The following SLC2A13 variants were observed in gnomAD, a reference collection of about 807,000 sequenced individuals.
The protein encoded by SLC2A13 is solute carrier family 2 member 13, also known as proton myo-inositol cotransporter.
In SLC2A13, 32 loss-of-function variants were observed where a neutral mutation model predicts 64.4. The observed-to-expected ratio is 0.50, with a 90% CI of 0.37 to 0.67. The LOEUF (loss-of-function observed/expected upper bound fraction) is 0.67, where lower values mean the gene tolerates loss of function less well. Among genes scored for constraint, SLC2A13 ranks in the 30% least tolerant of loss-of-function variants. The pLI, the probability that SLC2A13 is intolerant of heterozygous loss-of-function variation, is 0.00. For missense variants in SLC2A13, 743 were observed against 829.2 expected, an observed-to-expected ratio of 0.90 and a Z score of 1.28; for synonymous variants, 338 against 327.1, an observed-to-expected ratio of 1.03 and a Z score of -0.36.
intron 6 of SLC2A13, among the ~76,000 whole-genome samples, chr12:39,853,769 T>C (rs1280512718): frequency 2.6e-5 from 4 of 152,128 alleles, no homozygotes; most frequent in African/African-American, 9.7e-5. Context: ...TCCCATAATC[T>C]ATATCTGTTT....
In SLC2A13 at chr12:39,900,854, C is replaced by G. The variant is rs902352944; in HGVS notation, c.1035-28893G>C. On this transcript the variant is annotated intron_variant, in intron 4 of 9. Coordinates refer to ENST00000280871, the MANE Select transcript of SLC2A13 (RefSeq NM_052885.4). Reference sequence around the variant, plus strand: ...AAAAAACTACTTTAAAGTTCATATGCAACCAAAAAAGATCCCGCATCGCCA... The same window carrying G: ...AAAAAACTACTTTAAAGTTCATATGGAACCAAAAAAGATCCCGCATCGCCA... Among the ~76,000 whole-genome samples the G allele has an allele frequency of 3.2e-4, 49 of 152,122 alleles. No homozygotes were observed. The East Asian group carries it at 3.9e-3, about 12-fold the overall frequency.
chr12:39,819,175 T>C (rs549812592), intron 7 of SLC2A13, among the ~76,000 whole-genome samples: 1 of 152,312 alleles, frequency 6.6e-6, no homozygotes, highest in Non-Finnish European at 1.5e-5. Context: ...AGTCTCATTT[T>C]TAAGCCTTAA....
intron 3 of SLC2A13, among the ~76,000 whole-genome samples, chr12:40,013,995 C>T (rs1348569431): frequency 2.6e-5 from 4 of 152,152 alleles, no homozygotes. Context: ...GTATTTGGAA[C>T]ATATCTATAC....
chr12:39,793,406 CTA>C (rs140525239), intron 7 of SLC2A13, among the ~76,000 whole-genome samples: 2,177 of 152,202 alleles, frequency 0.014, 16 homozygotes, highest in Middle Eastern at 0.037. Flanking sequence ...CCAAATTGAT[CTA>C]TAGAGTCAAT....
At chr12:39,913,447 A>C (rs1945463710) in intron 4 of SLC2A13, among the ~76,000 whole-genome samples, 1 of 151,962 alleles carries the variant, frequency 6.6e-6, no homozygotes. Context: ...CCATACAATA[A>C]TAAATACAAT....
chr12:39,826,455 GTT>G (rs1382527298), intron 7 of SLC2A13, among the ~76,000 whole-genome samples: 2 of 137,418 alleles, frequency 1.5e-5, no homozygotes, highest in Admixed American at 7.3e-5. Context: ...ATTTTTCTGG[GTT>G]TTTTTTTTTG....
At chr12:39,847,147 G>A (rs1303775673) in intron 6 of SLC2A13, among the ~76,000 whole-genome samples, 1 of 152,106 alleles carries the variant, frequency 6.6e-6, no homozygotes. Flanking sequence ...GAACTAAATC[G>A]TGAAAGTAGG....
At chr12:39,882,862 TG>T (rs1263757220) in intron 4 of SLC2A13, among the ~76,000 whole-genome samples, 1 of 152,220 alleles carries the variant, frequency 6.6e-6, no homozygotes, top group Non-Finnish European at 1.5e-5. Context: ...ACTTTGTTTC[TG>T]GTACTAGAAT....
chr12:39,831,206 G>A (rs1451979760), intron 6 of SLC2A13, among the ~76,000 whole-genome samples: 1 of 152,146 alleles, frequency 6.6e-6, no homozygotes, highest in Admixed American at 6.6e-5. Flanking sequence ...ACAATGTAAT[G>A]GAAACTGGGT....
chr12:39,931,002 A>C (rs968353221), intron 4 of SLC2A13, among the ~76,000 whole-genome samples: 1 of 152,212 alleles, frequency 6.6e-6, no homozygotes, highest in African/African-American at 2.4e-5. Context: ...TTAATAACCA[A>C]ATTAATTCAC....
rs113899219 is a variant in SLC2A13 at position 39,778,484 on chromosome 12, A to C, written c.1446-13626T>G. 4.6e-3 allele frequency among the ~76,000 whole-genome samples: 708 copies of C among 152,304 alleles called. 5 individuals are homozygous for C. Among genetic ancestry groups the C allele is most frequent in the African/African-American group, 0.016 (674 of 41,564 alleles). The stretch of plus-strand genomic sequence containing the variant: ...TTAGTTATTTCTTTGGAACAGACTC[A>C]TGTGAGGGCCACTCATAACCCGGTT... On this transcript the variant is annotated intron_variant, in intron 7 of 9. Transcript: ENST00000280871.
intron 1 of SLC2A13, among the ~76,000 whole-genome samples, chr12:40,077,630 T>C (rs912225916): frequency 3.9e-5 from 6 of 152,242 alleles, no homozygotes; most frequent in African/African-American, 2.4e-5. Context: ...GTTTTGGCTA[T>C]GCATTCTCTT....
In SLC2A13 at chr12:39,808,310, A is replaced by C. The variant is rs191771686; in HGVS notation, c.1445+21793T>G. ...CTTCCATCTATCTGGGTAGTATTTA[A>C]TTATATGGGTGTATCATAATTTGTT... On this transcript the variant is annotated intron_variant, in intron 7 of 9. Coordinates refer to ENST00000280871, the MANE Select transcript of SLC2A13 (RefSeq NM_052885.4). Among the ~76,000 whole-genome samples, 219 of 152,194 alleles carry C rather than the reference A, an allele frequency of 1.4e-3. 2 individuals carry two copies. The highest frequency in any genetic ancestry group is 4.9e-3 in the African/African-American group (205 of 41,558).
chr12:39,841,542 A>G lies in SLC2A13; in HGVS notation c.1320-11314T>C, dbSNP rs570084703. The stretch of plus-strand genomic sequence containing the variant: ...ATTTTGCATGTGTAAGATAACATGT[A>G]TATAAATGTATATCTATATACATAT... On this transcript the variant is annotated intron_variant, in intron 6 of 9. Transcript: ENST00000280871. Among the ~76,000 whole-genome samples, 5 of 152,246 alleles carry G rather than the reference A, an allele frequency of 3.3e-5. No homozygotes were observed. The East Asian group carries it at 9.7e-4, about 29-fold the overall frequency.
At chr12:40,021,311 C>T (rs1441473744) in intron 3 of SLC2A13, among the ~76,000 whole-genome samples, 1 of 152,132 alleles carries the variant, frequency 6.6e-6, no homozygotes, top group Non-Finnish European at 1.5e-5. Context: ...TCCAATTCTG[C>T]ATAAGATTTT....
At chr12:40,086,531 T>A (rs975996298) in intron 1 of SLC2A13, among the ~76,000 whole-genome samples, 1 of 152,262 alleles carries the variant, frequency 6.6e-6, no homozygotes, top group East Asian at 1.9e-4. Context: ...ACATGTCTAT[T>A]TCATCTCTAT....
In SLC2A13 at chr12:40,048,147, C is replaced by T. The variant is rs143000031; in HGVS notation, c.620G>A (p.Arg207Gln). The stretch of plus-strand genomic sequence containing the variant: ...GAAGAGGGTATTAATGGTGACTAAT[C>T]GGCCTCTTAAATTGGGTGGTGAGAC... ...AEVSPPNLRG[R>Q]LVTINTLFIT... Residue 207 changes from arginine to glutamine, a missense_variant, in exon 2 of 10, where the codon CGA becomes CAA. Coordinates refer to ENST00000280871, the MANE Select transcript of SLC2A13 (RefSeq NM_052885.4). 1.2e-5 allele frequency: 19 copies of T among 1,613,538 alleles called. No homozygotes were observed. In the East Asian group the frequency reaches 1.6e-4, roughly 13 times the overall value.
intron 6 of SLC2A13, among the ~76,000 whole-genome samples, chr12:39,856,544 T>C (rs992265419): frequency 6.6e-6 from 1 of 152,068 alleles, no homozygotes; most frequent in African/African-American, 2.4e-5. Context: ...AATTTTTGTA[T>C]TTTTAGTAGA....
intron 3 of SLC2A13, among the ~76,000 whole-genome samples, chr12:40,003,581 T>A (rs1362043357): frequency 6.6e-6 from 1 of 152,060 alleles, no homozygotes; most frequent in East Asian, 1.9e-4. Context: ...CTGAAGGGAC[T>A]AATGACATGC....
Sources: gnomAD v4.1 joint callset for allele counts (sites outside exome capture counted in the v4.1 genomes callset) on GRCh38, gnomAD v4.1.1 for gene constraint, MANE v1.5 for transcripts, NCBI Gene and HGNC (gene_info 2026-07-23, HGNC 2026-07-21) for gene names.